Variants in TSNARE1 observed in about 807,000 individuals in gnomAD.
The protein encoded by TSNARE1 is t-SNARE domain containing 1.
TSNARE1 carries 49 observed loss-of-function variants against 62.0 expected under a neutral mutation model. The observed-to-expected ratio is 0.79, with a 90% CI of 0.63 to 1.00. The LOEUF (loss-of-function observed/expected upper bound fraction) is 1.00, where lower values mean the gene tolerates loss of function less well. Among genes scored for constraint, TSNARE1 ranks in the 50% least tolerant of loss-of-function variants. TSNARE1 has a pLI of 0.00. For synonymous variants in TSNARE1, 328 were observed against 294.4 expected (o/e 1.11, Z -1.17); for missense variants, 755 against 700.1 (o/e 1.08, Z -0.88).
At chr8:142,385,795 A>C (rs762629432) in intron 1 of TSNARE1, among the ~76,000 whole-genome samples, 5 of 152,246 alleles carry the variant, frequency 3.3e-5, no homozygotes, top group Non-Finnish European at 7.3e-5. Context: ...AATGACTGCC[A>C]TATCAAATCA....
At chr8:142,322,901 CG>C in intron 6 of TSNARE1, among the ~76,000 whole-genome samples, 1 of 136,694 alleles carries the variant, frequency 7.3e-6, no homozygotes, top group Non-Finnish European at 1.6e-5. Context: ...CCAGCCTGGA[CG>C]TGTCCATGGG....
At chr8:142,374,439 G>A (rs987887164) in intron 1 of TSNARE1, among the ~76,000 whole-genome samples, 1 of 152,064 alleles carries the variant, frequency 6.6e-6, no homozygotes, top group Non-Finnish European at 1.5e-5. Context: ...AGCACTTTGG[G>A]AGGCCGAGGT....
intron 12 of TSNARE1, among the ~76,000 whole-genome samples, chr8:142,249,832 A>G (rs2130268692): frequency 6.6e-6 from 1 of 152,338 alleles, no homozygotes; most frequent in East Asian, 1.9e-4. Flanking sequence ...CTGGGGTCCC[A>G]GAGTGGGAAG....
intron 12 of TSNARE1, among the ~76,000 whole-genome samples, chr8:142,250,208 G>A (rs547217815): frequency 2.0e-5 from 3 of 152,228 alleles, no homozygotes; most frequent in South Asian, 4.1e-4. Context: ...TGCTCCTCTC[G>A]GATTTTTACA....
intron 10 of TSNARE1, among the ~76,000 whole-genome samples, chr8:142,295,574 TA>T (rs1350319061): frequency 6.6e-6 from 1 of 152,178 alleles, no homozygotes; most frequent in African/African-American, 2.4e-5. Flanking sequence ...ACAGAACACA[TA>T]GGGGGCAGGC....
At chr8:142,232,740 C>T (rs1166811682) in intron 12 of TSNARE1, among the ~76,000 whole-genome samples, 1 of 152,184 alleles carries the variant, frequency 6.6e-6, no homozygotes, top group Non-Finnish European at 1.5e-5. Flanking sequence ...AAGAGGCGGG[C>T]GCAGGCGATG....
At chr8:142,219,313 G>T (rs1816091929) in intron 13 of TSNARE1, among the ~76,000 whole-genome samples, 1 of 152,178 alleles carries the variant, frequency 6.6e-6, no homozygotes, top group South Asian at 2.1e-4. Context: ...AGGATGGCAG[G>T]AGATGACGAG....
chr8:142,290,229 A>AG (rs1823525880), intron 10 of TSNARE1, among the ~76,000 whole-genome samples: 1 of 150,614 alleles, frequency 6.6e-6, no homozygotes, highest in South Asian at 2.1e-4. Flanking sequence ...GGCCTGCTCG[A>AG]GGGGCTGGGA....
intron 1 of TSNARE1, among the ~76,000 whole-genome samples, chr8:142,379,237 A>G (rs1312774530): frequency 6.6e-6 from 1 of 152,220 alleles, no homozygotes; most frequent in East Asian, 1.9e-4. Flanking sequence ...CAGCAAGGAC[A>G]GACCGTCCGT....
chr8:142,386,972 C>G (rs1837155669), intron 1 of TSNARE1, among the ~76,000 whole-genome samples: 1 of 152,142 alleles, frequency 6.6e-6, no homozygotes, highest in South Asian at 2.1e-4. Context: ...GATTGATATA[C>G]ACATCAAACT....
intron 11 of TSNARE1, among the ~76,000 whole-genome samples, chr8:142,283,454 G>A (rs985213577): frequency 1.3e-5 from 2 of 149,726 alleles, no homozygotes; most frequent in South Asian, 2.2e-4. Flanking sequence ...CAGAGGCAGG[G>A]ACAGTGTCAA....
At chr8:142,255,155 C>T (rs1446515938) in intron 12 of TSNARE1, among the ~76,000 whole-genome samples, 1 of 151,984 alleles carries the variant, frequency 6.6e-6, no homozygotes, top group Non-Finnish European at 1.5e-5. Flanking sequence ...GTCCCCAGCC[C>T]CATGAACCTG....
upstream of TSNARE1, chr8:142,406,748 G>C (rs1441359049): frequency 3.3e-5 from 5 of 152,250 alleles, no homozygotes; most frequent in Admixed American, 2.6e-4. Flanking sequence ...TAAAGGGCTG[G>C]GCAGAACCAA....
At chr8:142,219,175 T>A (rs2129887316) in intron 13 of TSNARE1, among the ~76,000 whole-genome samples, 1 of 152,314 alleles carries the variant, frequency 6.6e-6, no homozygotes, top group African/African-American at 2.4e-5. Context: ...TCCCTGTTTC[T>A]GCTAAGAGGG....
rs903093652 is a variant in TSNARE1 at position 142,291,604 on chromosome 8, G to A, written c.1291-7119C>T. ...ACTGGGTGCCAGGCAGCGTCAGGCC[G>A]GTGAGCTGCTGCGAACGCAGACGTG... On this transcript the variant is annotated intron_variant, in intron 10 of 13. Coordinates refer to ENST00000524325, the MANE Select transcript of TSNARE1 (RefSeq NM_145003.5). This position sits in a 1 kb window ranked among gnomAD's most constrained non-coding sequence, Gnocchi z 4.8. Among the ~76,000 whole-genome samples, 10 of 147,820 alleles carry A rather than the reference G, an allele frequency of 6.8e-5. No individual in the cohort carries two copies. Among genetic ancestry groups the A allele is most frequent in the Non-Finnish European group, 1.0e-4 (7 of 67,056 alleles).
chr8:142,394,157 T>A (rs192624481), intron 1 of TSNARE1, among the ~76,000 whole-genome samples: 1 of 152,358 alleles, frequency 6.6e-6, no homozygotes, highest in Admixed American at 6.5e-5. Flanking sequence ...CCCACGCTTA[T>A]GCCTGCGGCC....
At chr8:142,373,929 C>T (rs114601448) in intron 1 of TSNARE1, among the ~76,000 whole-genome samples, 1,624 of 152,278 alleles carry the variant, frequency 0.011, 25 homozygotes, top group African/African-American at 0.037. Context: ...AGAAGAAACA[C>T]CTCAGGCTCC....
upstream of TSNARE1, chr8:142,404,482 G>A (rs1317078048): frequency 2.0e-5 from 3 of 152,310 alleles, no homozygotes; most frequent in Non-Finnish European, 2.9e-5. Flanking sequence ...AGGGAAGAGG[G>A]GCACATGCCC....
At chr8:142,340,467 GGGC>G (rs1832429815) in intron 4 of TSNARE1, among the ~76,000 whole-genome samples, 1 of 152,224 alleles carries the variant, frequency 6.6e-6, no homozygotes, top group Non-Finnish European at 1.5e-5. Flanking sequence ...CCTAGGGCCA[GGGC>G]TCCCTTTTGG....
Sources: allele counts gnomAD v4.1 joint callset (sites outside exome capture counted in the v4.1 genomes callset), GRCh38; gene constraint gnomAD v4.1.1; non-coding constraint Gnocchi (gnomAD v3.1); transcripts MANE v1.5; gene names NCBI Gene and HGNC (gene_info 2026-07-23, HGNC 2026-07-21).